The following ZDHHC14 variants were observed in gnomAD, a reference collection of about 807,000 sequenced individuals.
The protein encoded by ZDHHC14 is zDHHC palmitoyltransferase 14.
In ZDHHC14, 16 loss-of-function variants were observed where a neutral mutation model predicts 47.7. The observed-to-expected ratio is 0.34, with a 90% confidence interval of 0.23 to 0.51. The LOEUF is 0.51. Among genes scored for constraint, ZDHHC14 ranks in the 20% least tolerant of loss-of-function variants. The pLI, the probability that ZDHHC14 is intolerant of heterozygous loss-of-function variation, is 0.97. For synonymous variants in ZDHHC14, 293 were observed against 278.9 expected (o/e 1.05, Z -0.50); for missense variants, 515 against 662.5 (o/e 0.78, Z 2.44).
intron 1 of ZDHHC14, among the ~76,000 whole-genome samples, chr6:157,516,289 CGAT>C (rs1439912675): frequency 6.6e-6 from 1 of 152,150 alleles, no homozygotes; most frequent in Non-Finnish European, 1.5e-5. Flanking sequence ...TGTGTAATAG[CGAT>C]GCTGTGAACA....
At chr6:157,555,443 G>A (rs1315169669) in intron 2 of ZDHHC14, among the ~76,000 whole-genome samples, 3 of 152,180 alleles carry the variant, frequency 2.0e-5, no homozygotes, top group Non-Finnish European at 4.4e-5. Context: ...AAGGAACACA[G>A]ACTTTTCAAA....
chr6:157,538,148 G>C, intron 1 of ZDHHC14, among the ~76,000 whole-genome samples: 1 of 152,130 alleles, frequency 6.6e-6, no homozygotes, highest in Non-Finnish European at 1.5e-5. Flanking sequence ...TGGTGGAACG[G>C]GACTGTCACA....
At chr6:157,606,645 G>A (rs1446017611) in intron 3 of ZDHHC14, among the ~76,000 whole-genome samples, 2 of 152,230 alleles carry the variant, frequency 1.3e-5, no homozygotes, top group Non-Finnish European at 2.9e-5. Context: ...ATCAGTTGCT[G>A]TGAGGGCAGT....
intron 1 of ZDHHC14, among the ~76,000 whole-genome samples, chr6:157,510,849 C>G (rs1439531839): frequency 6.6e-6 from 1 of 152,378 alleles, no homozygotes; most frequent in African/African-American, 2.4e-5. Flanking sequence ...TTTCCAATGG[C>G]CTCTGCCTTC....
intron 4 of ZDHHC14, chr6:157,630,934 A>G (rs538968458): frequency 1.4e-5 from 2 of 148,068 alleles, no homozygotes; most frequent in Admixed American, 1.3e-4. Context: ...TGTCACACTC[A>G]CATGTACCCT....
At chr6:157,640,699 C>T (rs1777208200) in intron 5 of ZDHHC14, among the ~76,000 whole-genome samples, 1 of 152,200 alleles carries the variant, frequency 6.6e-6, no homozygotes, top group African/African-American at 2.4e-5. Context: ...TAACCAGCCC[C>T]ACTGAGGGAG....
Position 157,542,576 on chromosome 6 carries a change from T to G in ZDHHC14, c.246-9T>G, listed in dbSNP as rs779168981. On this transcript the variant is annotated splice_polypyrimidine_tract_variant and intron_variant, in intron 1 of 8. Coordinates refer to ENST00000359775, the MANE Select transcript of ZDHHC14 (RefSeq NM_024630.3). ...CCCCTTCTCTCCGGTCTGTCCAACC[T>G]GTCGGCAGCTGTCCGTACCTGGCGG... 81 of 1,613,744 alleles carry G rather than the reference T, an allele frequency of 5.0e-5. No individual in the cohort carries two copies. Among genetic ancestry groups the G allele is most frequent in the Non-Finnish European group, 6.6e-5 (78 of 1,179,868 alleles).
chr6:157,611,649 G>T (rs1784753596), intron 3 of ZDHHC14, among the ~76,000 whole-genome samples: 1 of 152,220 alleles, frequency 6.6e-6, no homozygotes, highest in South Asian at 2.1e-4. Flanking sequence ...CAGCAAGGGA[G>T]GGTGGACTCT....
chr6:157,405,695 C>G (rs1562412729), intron 1 of ZDHHC14, among the ~76,000 whole-genome samples: 1 of 152,064 alleles, frequency 6.6e-6, no homozygotes, highest in African/African-American at 2.4e-5. Flanking sequence ...GCATAAGCAA[C>G]TGTATTTTGA....
chr6:157,598,982 T>TA (rs1166692458), intron 3 of ZDHHC14, among the ~76,000 whole-genome samples: 4 of 152,214 alleles, frequency 2.6e-5, no homozygotes, highest in East Asian at 3.9e-4. Flanking sequence ...GTAATGCTTT[T>TA]AAAAAAAACT....
rs545062343 is a variant in ZDHHC14, at chr6:157,543,083, C to A, written c.406+338C>A. ...AGAGATTACAGTTGTAGGTTGCTGCCCTTTCTCCCTTTTGCAATCCTTGGA... is the reference window on the plus strand; with the variant it reads ...AGAGATTACAGTTGTAGGTTGCTGCACTTTCTCCCTTTTGCAATCCTTGGA... On this transcript the variant is annotated intron_variant, in intron 2 of 8. Coordinates refer to ENST00000359775, the MANE Select transcript of ZDHHC14 (RefSeq NM_024630.3). Among the ~76,000 whole-genome samples the A allele has an allele frequency of 3.9e-5, 6 of 152,212 alleles. No homozygotes were observed. In the South Asian group the frequency reaches 1.3e-3, roughly 32 times the overall value.
intron 5 of ZDHHC14, among the ~76,000 whole-genome samples, chr6:157,639,988 A>G (rs1307007396): frequency 6.6e-6 from 1 of 152,168 alleles, no homozygotes; most frequent in Non-Finnish European, 1.5e-5. Context: ...ATCAATGAGA[A>G]TGTCGCAGCC....
intron 2 of ZDHHC14, 54 bp from the exon 3 acceptor site, chr6:157,592,934 C>T (rs1783973121): frequency 3.2e-6 from 5 of 1,544,434 alleles, no homozygotes; most frequent in Middle Eastern, 1.8e-4. Context: ...CGGGTCCCGC[C>T]GAGGCAGAGG....
intron 1 of ZDHHC14, among the ~76,000 whole-genome samples, chr6:157,397,871 C>T (rs1007905478): frequency 1.3e-5 from 2 of 152,160 alleles, no homozygotes; most frequent in Admixed American, 6.5e-5. Flanking sequence ...GTGTCCATCA[C>T]GGTTAATGAC....
intron 1 of ZDHHC14, among the ~76,000 whole-genome samples, chr6:157,527,049 T>A (rs1460257166): frequency 6.6e-6 from 1 of 152,148 alleles, no homozygotes; most frequent in Non-Finnish European, 1.5e-5. Context: ...TAGTAGTTTA[T>A]AATACTGTTG....
intron 7 of ZDHHC14, among the ~76,000 whole-genome samples, chr6:157,651,968 G>A (rs369278179): frequency 2.6e-5 from 4 of 152,172 alleles, no homozygotes; most frequent in African/African-American, 7.2e-5. Flanking sequence ...TGTCACCCGC[G>A]CTAGAGGGCA....
chr6:157,547,170 G>A (rs1467491083), intron 2 of ZDHHC14, among the ~76,000 whole-genome samples: 1 of 152,238 alleles, frequency 6.6e-6, no homozygotes, highest in African/African-American at 2.4e-5. Context: ...AGATGCACCC[G>A]TGTGTGCACG....
chr6:157,625,723 T>G (rs1785382511), intron 3 of ZDHHC14, among the ~76,000 whole-genome samples: 1 of 151,060 alleles, frequency 6.6e-6, no homozygotes, highest in Non-Finnish European at 1.5e-5. Context: ...CACCATAAAC[T>G]CAACAAACAC....
At chr6:157,518,467 G>T (rs1780782372) in intron 1 of ZDHHC14, among the ~76,000 whole-genome samples, 2 of 152,110 alleles carry the variant, frequency 1.3e-5, no homozygotes, top group Non-Finnish European at 1.5e-5. Flanking sequence ...AGTGTGTGGT[G>T]GAATAAAGGC....
Sources: gnomAD v4.1 joint callset for allele counts (sites outside exome capture counted in the v4.1 genomes callset) on GRCh38, gnomAD v4.1.1 for gene constraint, MANE v1.5 for transcripts, NCBI Gene and HGNC (gene_info 2026-07-23, HGNC 2026-07-21) for gene names.